NKAIN2: variants seen among roughly 807,000 people sequenced by gnomAD.
NKAIN2 encodes sodium/potassium-transporting ATPase subunit beta-1-interacting protein 2.
In NKAIN2, 14 loss-of-function variants were observed where a neutral mutation model predicts 32.6. The observed-to-expected ratio is 0.43, with a 90% CI of 0.28 to 0.67. The LOEUF (loss-of-function observed/expected upper bound fraction) is 0.67, where lower values mean the gene tolerates loss of function less well. Among genes scored for constraint, NKAIN2 ranks in the 30% least tolerant of loss-of-function variants. NKAIN2 has a pLI of 0.17. For synonymous variants in NKAIN2, 80 were observed against 87.2 expected (o/e 0.92, Z 0.46); for missense variants, 198 against 258.3 (o/e 0.77, Z 1.60).
chr6:124,068,153 C>A (rs1309520481), intron 1 of NKAIN2, among the ~76,000 whole-genome samples: 1 of 152,062 alleles, frequency 6.6e-6, no homozygotes, highest in Non-Finnish European at 1.5e-5. Context: ...CACTACCCAA[C>A]CTCTTAACCA....
intron 1 of NKAIN2, among the ~76,000 whole-genome samples, chr6:124,192,491 A>G (rs368250014): frequency 4.6e-5 from 7 of 152,206 alleles, no homozygotes; most frequent in African/African-American, 1.4e-4. Flanking sequence ...TTTTATTGCT[A>G]ATTATTTTAT....
rs199970834 is a variant in NKAIN2, at chr6:124,345,928, T to G, written c.193-9339T>G. Among the ~76,000 whole-genome samples the G allele has an allele frequency of 2.2e-3, 342 of 152,204 alleles. 5 individuals are homozygous for G. In the East Asian group the frequency reaches 0.044, roughly 20 times the overall value. On this transcript the variant is annotated intron_variant, in intron 2 of 6. Transcript: ENST00000368417. ...CTAGTTCTTTTAATTGTGATGTTAG[T>G]GTGTCAATTTTGGATCTTTCCTGCT...
intron 3 of NKAIN2, among the ~76,000 whole-genome samples, chr6:124,532,729 C>A (rs927250951): frequency 2.6e-5 from 4 of 152,200 alleles, no homozygotes; most frequent in African/African-American, 9.7e-5. Context: ...TGCAGCCAAA[C>A]CTTTCCTGTA....
intron 4 of NKAIN2, among the ~76,000 whole-genome samples, chr6:124,746,353 A>ATTATCAAATATT (rs1777451312): frequency 6.6e-6 from 1 of 151,812 alleles, no homozygotes; most frequent in South Asian, 2.1e-4. Context: ...TTGGAAAAAC[A>ATTATCAAATATT]GACAAAAGAA....
At chr6:124,224,677 G>A (rs1792013554) in intron 1 of NKAIN2, among the ~76,000 whole-genome samples, 1 of 152,008 alleles carries the variant, frequency 6.6e-6, no homozygotes, top group Non-Finnish European at 1.5e-5. Context: ...TAATTCCTTT[G>A]TCATAAAAAG....
chr6:124,149,250 A>G (rs988365099), intron 1 of NKAIN2, among the ~76,000 whole-genome samples: 1 of 152,128 alleles, frequency 6.6e-6, no homozygotes, highest in Non-Finnish European at 1.5e-5. Context: ...TTCATTCTGT[A>G]TGTTGGCTTT....
chr6:124,287,346 C>T (rs1795600156), intron 2 of NKAIN2, among the ~76,000 whole-genome samples: 1 of 152,078 alleles, frequency 6.6e-6, no homozygotes, highest in South Asian at 2.1e-4. Context: ...GCCTCCCACA[C>T]AAAAAAGTAT....
chr6:124,107,415 AAAGGTG>A (rs1167874204), intron 1 of NKAIN2, among the ~76,000 whole-genome samples: 3 of 152,156 alleles, frequency 2.0e-5, no homozygotes, highest in Non-Finnish European at 4.4e-5. Flanking sequence ...AATGCATCCA[AAAGGTG>A]ATGATAACAG....
At chr6:124,344,707 G>A (rs1297893085) in intron 2 of NKAIN2, among the ~76,000 whole-genome samples, 2 of 152,158 alleles carry the variant, frequency 1.3e-5, no homozygotes, top group Admixed American at 1.3e-4. Context: ...TGCTGAAGTT[G>A]CTTATGAGCT....
rs558072018 is a variant in NKAIN2, at chr6:124,784,124, C to T, written c.475-7215C>T. 1.2e-4 allele frequency among the ~76,000 whole-genome samples: 19 copies of T among 152,212 alleles called. No homozygotes were observed. In the South Asian group the frequency reaches 3.9e-3, roughly 32 times the overall value. ...AAATTATAATATGAAGGTTTTTAAA[C>T]ATAAATAGAACTGTCCTAAAATGTA... On this transcript the variant is annotated intron_variant, in intron 4 of 6. Coordinates refer to ENST00000368417, the MANE Select transcript of NKAIN2 (RefSeq NM_001040214.3).
chr6:124,473,179 G>A (rs1777045664), intron 3 of NKAIN2, among the ~76,000 whole-genome samples: 1 of 152,190 alleles, frequency 6.6e-6, no homozygotes, highest in African/African-American at 2.4e-5. Context: ...ATTAATGACT[G>A]TTCAGTTTTC....
Position 124,229,533 on chromosome 6 carries a change from T to TAGATAGAC in NKAIN2, c.55-53469_55-53468insTAGACAGA, listed in dbSNP as rs1298590453. On this transcript the variant is annotated intron_variant, in intron 1 of 6. Coordinates refer to ENST00000368417, the MANE Select transcript of NKAIN2 (RefSeq NM_001040214.3). ...ATAGATAGATAGATAGATAGATAGATAGACAGACAGACAGACAGACAGACA... is the reference window on the plus strand; with the variant it reads ...ATAGATAGATAGATAGATAGATAGATAGATAGACAGACAGACAGACAGACAGACAGACA... Among the ~76,000 whole-genome samples, 645 of 149,170 alleles carry TAGATAGAC rather than the reference T, an allele frequency of 4.3e-3. 1 individual carries two copies. The highest frequency in any genetic ancestry group is 0.014 in the Middle Eastern group (4 of 290).
intron 2 of NKAIN2, among the ~76,000 whole-genome samples, chr6:124,348,242 C>T (rs1380267424): frequency 1.3e-5 from 2 of 151,544 alleles, no homozygotes; most frequent in African/African-American, 2.4e-5. Context: ...TCAGTCTGCC[C>T]CCACTGGGGG....
intron 1 of NKAIN2, among the ~76,000 whole-genome samples, chr6:123,893,799 T>C (rs989264993): frequency 6.6e-6 from 1 of 152,220 alleles, no homozygotes; most frequent in Non-Finnish European, 1.5e-5. Flanking sequence ...ATTTTATCCC[T>C]GTAAGATGTC....
At chr6:124,271,261 G>A (rs535331511) in intron 1 of NKAIN2, among the ~76,000 whole-genome samples, 1 of 152,162 alleles carries the variant, frequency 6.6e-6, no homozygotes, top group South Asian at 2.1e-4. Flanking sequence ...TTGTCACCCA[G>A]GCTGGAGTGC....
chr6:124,605,910 A>T (rs939914043), intron 3 of NKAIN2, among the ~76,000 whole-genome samples: 5 of 152,030 alleles, frequency 3.3e-5, no homozygotes, highest in Admixed American at 2.6e-4. Context: ...GAATTACTAT[A>T]GCAGAGAGCG....
intron 1 of NKAIN2, among the ~76,000 whole-genome samples, chr6:124,275,832 AT>A (rs1305190222): frequency 1.3e-5 from 2 of 150,698 alleles, no homozygotes; most frequent in East Asian, 1.9e-4. Context: ...AAAATAATTA[AT>A]AATAGCATCC....
At chr6:124,684,473 A>T (rs1282607250) in intron 4 of NKAIN2, among the ~76,000 whole-genome samples, 1 of 152,220 alleles carries the variant, frequency 6.6e-6, no homozygotes, top group Admixed American at 6.5e-5. Flanking sequence ...TTAAACTTTG[A>T]TGTCCACTAC....
At chr6:124,502,746 A>G (rs1778342447) in intron 3 of NKAIN2, among the ~76,000 whole-genome samples, 1 of 151,858 alleles carries the variant, frequency 6.6e-6, no homozygotes, top group African/African-American at 2.4e-5. Flanking sequence ...TTTGCTCTTC[A>G]TTTGAAATGT....
Sources: allele counts gnomAD v4.1 joint callset (sites outside exome capture counted in the v4.1 genomes callset), GRCh38; gene constraint gnomAD v4.1.1; transcripts MANE v1.5; gene names NCBI Gene and HGNC (gene_info 2026-07-23, HGNC 2026-07-21).